CREBBP: variants seen among roughly 807,000 people sequenced by gnomAD.
The protein encoded by CREBBP is CREB binding lysine acetyltransferase.
CREBBP carries 19 observed loss-of-function variants against 265.0 expected under a neutral mutation model. The ratio of observed to expected loss-of-function variants is 0.07; its 90% CI spans 0.05 to 0.11. The LOEUF (loss-of-function observed/expected upper bound fraction) is 0.11, where lower values mean the gene tolerates loss of function less well. Ranked by LOEUF, CREBBP falls within the 10% of genes least tolerant of loss-of-function variation. The pLI is 1.00. For missense variants in CREBBP, 2,525 were observed against 3,219.0 expected, an observed-to-expected ratio of 0.78 and a Z score of 5.22; for synonymous variants, 1,457 against 1,223.7, an observed-to-expected ratio of 1.19 and a Z score of -3.98.
At chr16:3,874,395 G>A (rs1567381301) in intron 1 of CREBBP, among the ~76,000 whole-genome samples, 1 of 152,312 alleles carries the variant, frequency 6.6e-6, no homozygotes, top group East Asian at 1.9e-4. Context: ...TCCCCAACGG[G>A]TGCTCAGAGA....
Position 3,729,219 on chromosome 16 carries a change from G to T in CREBBP, c.5828C>A (p.Pro1943Gln). 1.3e-6 allele frequency: 2 copies of T among 1,528,692 alleles called. No homozygotes were observed. Among genetic ancestry groups the T allele is most frequent in the Non-Finnish European group, 8.7e-7 (1 of 1,143,292 alleles). 94.7% of individuals were successfully genotyped at this position (1,528,692 alleles called of 1,614,324 possible). A position where few individuals can be genotyped will look rare whatever the true frequency, so the allele number is the denominator to read the frequency against. The change falls in exon 31 of 31, where the codon CCG becomes CAG. Residue 1943 changes from proline (P) to glutamine (Q), a missense_variant. Pro to Gln is a moderately conservative substitution (Grantham distance 76, BLOSUM62 -1). Transcript: ENST00000262367. Reference protein sequence around the residue: ...VSTGKPTSQVPAPPPPAQPPP... With the variant: ...VSTGKPTSQVQAPPPPAQPPP... The stretch of plus-strand genomic sequence containing the variant: ...GGGCTGGGCCGGGGGTGGGGGGGCC[G>T]GCACCTGGCTGGTAGGCTTCCCTGT...
Position 3,783,187 on chromosome 16 carries a change from G to C in CREBBP, c.1331-261C>G, listed in dbSNP as rs77682545. Among the ~76,000 whole-genome samples, 1,244 of 152,274 alleles carry C rather than the reference G, an allele frequency of 8.2e-3. 13 individuals are homozygous for C. Among genetic ancestry groups the C allele is most frequent in the Middle Eastern group, 0.02 (6 of 294 alleles). ...ATGCAACAGACCATAAAATCTCACA[G>C]ATAACACTTGAAAAAAATTATTATG... On this transcript the variant is annotated intron_variant, in intron 5 of 30. Transcript: ENST00000262367.
intron 1 of CREBBP, among the ~76,000 whole-genome samples, chr16:3,872,818 G>T (rs1374499857): frequency 1.3e-5 from 2 of 152,212 alleles, no homozygotes; most frequent in East Asian, 3.9e-4. Context: ...TGGAAAACAG[G>T]CAGGCTTCCC....
chr16:3,880,052 A>C lies in CREBBP; in HGVS notation c.-136T>G. 1.7e-6 allele frequency: 1 copy of C among 571,754 alleles called. No individual in the cohort carries two copies. Among genetic ancestry groups the C allele is most frequent in the Admixed American group, 5.0e-5 (1 of 19,936 alleles). 35.4% of individuals were successfully genotyped at this position (571,754 alleles called of 1,614,324 possible). Reference sequence around the variant, plus strand: ...CGAGCGGGCGGGCGGGCGCCGAGGGAGAGGGAGGGCGCAGGCCGGGTGGGG... The same window carrying C: ...CGAGCGGGCGGGCGGGCGCCGAGGGCGAGGGAGGGCGCAGGCCGGGTGGGG... On this transcript the variant is annotated 5_prime_UTR_variant, in exon 1 of 31. Transcript: ENST00000262367.
intron 11 of CREBBP, among the ~76,000 whole-genome samples, chr16:3,775,921 CTTT>C (rs35453514): frequency 6.8e-6 from 1 of 146,780 alleles, no homozygotes. Context: ...TGATTTCTTT[CTTT>C]TTTTTTTTTG....
chr16:3,838,871 G>A (rs1400556183), intron 2 of CREBBP, among the ~76,000 whole-genome samples: 7 of 152,084 alleles, frequency 4.6e-5, no homozygotes, highest in Non-Finnish European at 1.0e-4. Flanking sequence ...ACCAAAAAAT[G>A]TTTTCGGAAA....
chr16:3,839,043 T>C (rs1288092802), intron 2 of CREBBP, among the ~76,000 whole-genome samples: 2 of 152,244 alleles, frequency 1.3e-5, no homozygotes, highest in African/African-American at 2.4e-5. Flanking sequence ...TCTCATTTAA[T>C]TGGCATGCGA....
chr16:3,751,491 C>A (rs1305921801), intron 20 of CREBBP, among the ~76,000 whole-genome samples: 4 of 151,982 alleles, frequency 2.6e-5, no homozygotes. Context: ...ACTTGAGAGG[C>A]TGAGAAAGGA....
intron 1 of CREBBP, among the ~76,000 whole-genome samples, chr16:3,852,432 A>G (rs1178153053): frequency 6.6e-6 from 1 of 151,870 alleles, no homozygotes; most frequent in Non-Finnish European, 1.5e-5. Flanking sequence ...CAGCCTCCCA[A>G]AGTGCTGGGA....
intron 5 of CREBBP, among the ~76,000 whole-genome samples, chr16:3,789,904 GCTT>G (rs895954073): frequency 6.6e-6 from 1 of 151,004 alleles, no homozygotes; most frequent in African/African-American, 2.4e-5. Flanking sequence ...AACCACATAC[GCTT>G]CTTTTTTCTT....
intron 3 of CREBBP, among the ~76,000 whole-genome samples, chr16:3,806,981 G>A (rs569683572): frequency 1.3e-5 from 2 of 152,224 alleles, no homozygotes; most frequent in African/African-American, 4.8e-5. Flanking sequence ...CATCTAAAGA[G>A]GTCCCTATGA....
chr16:3,793,668 A>G, intron 3 of CREBBP, 42 bp from the exon 4 acceptor site: 2 of 1,599,732 alleles, frequency 1.3e-6, no homozygotes, highest in Non-Finnish European at 1.7e-6. Context: ...AACCTCTCAG[A>G]GTTCCAAGTC....
Position 3,879,585 on chromosome 16 carries a change from C to T in CREBBP, c.85+247G>A, listed in dbSNP as rs1252757853. Among the ~76,000 whole-genome samples, 4 of 152,322 alleles carry T rather than the reference C, an allele frequency of 2.6e-5. No homozygotes were observed. In the East Asian group the frequency reaches 7.7e-4, roughly 30 times the overall value. Reference sequence around the variant, plus strand: ...TTCCCTCCTGGAGTGCCACTAGGGTCCCCGCGAGGAGGGCTGATCGGGTGC... The same window carrying T: ...TTCCCTCCTGGAGTGCCACTAGGGTTCCCGCGAGGAGGGCTGATCGGGTGC... On this transcript the variant is annotated intron_variant, in intron 1 of 30. Transcript: ENST00000262367.
At chr16:3,785,885 C>G (rs1029525533) in intron 5 of CREBBP, among the ~76,000 whole-genome samples, 4 of 152,226 alleles carry the variant, frequency 2.6e-5, no homozygotes, top group Non-Finnish European at 5.9e-5. Flanking sequence ...TCAGGCAACA[C>G]TCCTGTCCCG....
intron 3 of CREBBP, among the ~76,000 whole-genome samples, chr16:3,796,261 T>A (rs1180823290): frequency 1.3e-5 from 2 of 152,236 alleles, no homozygotes; most frequent in African/African-American, 4.8e-5. Context: ...ATTCTTTTTT[T>A]AAAATTTCAG....
intron 2 of CREBBP, among the ~76,000 whole-genome samples, chr16:3,822,572 T>C (rs1282452827): frequency 1.3e-5 from 2 of 152,190 alleles, no homozygotes; most frequent in Admixed American, 6.5e-5. Context: ...TGAGGCTGCC[T>C]GAGGGTTCTG....
chr16:3,743,045 G>A (rs1290034464), intron 23 of CREBBP: 2 of 152,210 alleles, frequency 1.3e-5, no homozygotes, highest in Admixed American at 1.3e-4. Context: ...TTGCTCAAAT[G>A]CATTAGCGAA....
chr16:3,828,588 T>A (rs566366036), intron 2 of CREBBP, among the ~76,000 whole-genome samples: 3 of 152,216 alleles, frequency 2.0e-5, no homozygotes, highest in Non-Finnish European at 4.4e-5. Flanking sequence ...GGTTACCTGT[T>A]CTATAAATTT....
chr16:3,763,425 T>G (rs894476009), intron 16 of CREBBP, among the ~76,000 whole-genome samples: 3 of 152,018 alleles, frequency 2.0e-5, no homozygotes, highest in Non-Finnish European at 4.4e-5. Flanking sequence ...CCTCCAAAAG[T>G]GCTGGAGTTG....
Sources: gnomAD v4.1 joint callset for allele counts (sites outside exome capture counted in the v4.1 genomes callset) on GRCh38, gnomAD v4.1.1 for gene constraint, MANE v1.5 for transcripts, NCBI Gene and HGNC (gene_info 2026-07-23, HGNC 2026-07-21) for gene names.